PRKG1: variants seen among roughly 807,000 people sequenced by gnomAD.
PRKG1 encodes protein kinase cGMP-dependent 1, also known as cGMP-dependent protein kinase 1.
PRKG1 carries 35 observed loss-of-function variants against 88.1 expected under a neutral mutation model. That is an observed-to-expected ratio of 0.40 (90% CI 0.30 to 0.53). The LOEUF is 0.53. Among genes scored for constraint, PRKG1 ranks in the 20% least tolerant of loss-of-function variants. The pLI, the probability that PRKG1 is intolerant of heterozygous loss-of-function variation, is 0.59. For missense variants in PRKG1, 540 were observed against 839.8 expected, an observed-to-expected ratio of 0.64 and a Z score of 4.41; for synonymous variants, 303 against 292.5, an observed-to-expected ratio of 1.04 and a Z score of -0.37.
intron 5 of PRKG1, among the ~76,000 whole-genome samples, chr10:51,952,532 G>T (rs541405415): frequency 6.6e-6 from 1 of 152,106 alleles, no homozygotes; most frequent in Non-Finnish European, 1.5e-5. Flanking sequence ...ATTTAATAAG[G>T]TAATATATTT....
chr10:51,329,296 C>T (rs777485433), intron 2 of PRKG1, among the ~76,000 whole-genome samples: 6 of 152,032 alleles, frequency 3.9e-5, no homozygotes, highest in Admixed American at 2.0e-4. Flanking sequence ...TATTCAGTTT[C>T]CCCTGCACCA....
At chr10:52,269,729 C>T (rs565008263) in intron 10 of PRKG1, among the ~76,000 whole-genome samples, 1 of 152,200 alleles carries the variant, frequency 6.6e-6, no homozygotes, top group East Asian at 1.9e-4. Flanking sequence ...CTTGAGGATT[C>T]TGCTGCTTGA....
intron 9 of PRKG1, among the ~76,000 whole-genome samples, chr10:52,167,241 A>G (rs1838505698): frequency 6.6e-6 from 1 of 152,026 alleles, no homozygotes; most frequent in African/African-American, 2.4e-5. Context: ...AGAGAAAGGG[A>G]TCAAGGGAGA....
chr10:51,738,594 G>A (rs1220942809), intron 3 of PRKG1, among the ~76,000 whole-genome samples: 1 of 152,162 alleles, frequency 6.6e-6, no homozygotes, highest in Non-Finnish European at 1.5e-5. Context: ...GAGGTAGATA[G>A]GTTATGAGAG....
chr10:52,120,067 A>G (rs1418263077), intron 7 of PRKG1, among the ~76,000 whole-genome samples: 1 of 151,618 alleles, frequency 6.6e-6, no homozygotes, highest in Admixed American at 6.6e-5. Context: ...GAGAGAGAGA[A>G]AGAGGGAGAG....
rs540839439 is a variant in PRKG1 at position 51,497,640 on chromosome 10, G to A, written c.592+29804G>A. 9.1e-4 allele frequency among the ~76,000 whole-genome samples: 139 copies of A among 152,296 alleles called. 1 individual carries two copies. In the Middle Eastern group the frequency reaches 0.014, roughly 15 times the overall value. On this transcript the variant is annotated intron_variant, in intron 3 of 17. Transcript: ENST00000373980. ...TGTCTGTGTTGATATTTCTGACAAA[G>A]AGCAAATAGGAGCAAGGTGTGCAAA...
chr10:51,698,348 T>A, intron 3 of PRKG1: 1 of 1,614,138 alleles, frequency 6.2e-7, no homozygotes, highest in Non-Finnish European at 8.5e-7. Flanking sequence ...ACCCCTTTGA[T>A]CTATCATGGG....
chr10:51,061,899 A>G (rs532636205), intron 1 of PRKG1, among the ~76,000 whole-genome samples: 1 of 152,300 alleles, frequency 6.6e-6, no homozygotes, highest in South Asian at 2.1e-4. Flanking sequence ...TTTAAAGCCC[A>G]TTTCTGATAA....
At chr10:51,185,171 A>G (rs904940454) in intron 2 of PRKG1, among the ~76,000 whole-genome samples, 1 of 152,200 alleles carries the variant, frequency 6.6e-6, no homozygotes, top group Admixed American at 6.6e-5. Flanking sequence ...TGAAAAAGTT[A>G]CTTAACCTCT....
At chr10:52,072,110 G>A (rs1846510879) in intron 7 of PRKG1, among the ~76,000 whole-genome samples, 1 of 148,534 alleles carries the variant, frequency 6.7e-6, no homozygotes, top group Non-Finnish European at 1.5e-5. Context: ...TCCAGCCTTG[G>A]GACCCTTCTC....
At chr10:52,218,847 T>C (rs970320496) in intron 9 of PRKG1, among the ~76,000 whole-genome samples, 9 of 152,176 alleles carry the variant, frequency 5.9e-5, no homozygotes, top group Non-Finnish European at 8.8e-5. Context: ...CTTATCTTCA[T>C]TAATTAATAT....
rs1019495076 is a variant in PRKG1, at chr10:51,565,224, A to G, written c.592+97388A>G. Among the ~76,000 whole-genome samples the G allele has an allele frequency of 5.3e-5, 8 of 152,010 alleles. 1 individual carries two copies. The East Asian group carries it at 1.5e-3, about 29-fold the overall frequency. ...ACAAATCAAAAACCCTAAAACCCTA[A>G]AGGATTCACTCTCCAAAAGCCTTTC... is the stretch of plus-strand genomic sequence containing the variant. On this transcript the variant is annotated intron_variant, in intron 3 of 17. Coordinates refer to ENST00000373980, the MANE Select transcript of PRKG1 (RefSeq NM_006258.4).
chr10:51,883,581 G>T (rs1272344308), intron 4 of PRKG1, among the ~76,000 whole-genome samples: 1 of 152,112 alleles, frequency 6.6e-6, no homozygotes, highest in Non-Finnish European at 1.5e-5. Context: ...TAAATTGCTG[G>T]GGCTGTGTCT....
chr10:52,139,859 G>A (rs1837528896), intron 8 of PRKG1, among the ~76,000 whole-genome samples: 1 of 152,006 alleles, frequency 6.6e-6, no homozygotes. Context: ...ACAAGGGGTT[G>A]GCAAACTTTT....
At chr10:51,220,297 G>A (rs1838493598) in intron 2 of PRKG1, among the ~76,000 whole-genome samples, 1 of 152,148 alleles carries the variant, frequency 6.6e-6, no homozygotes, top group Admixed American at 6.5e-5. Context: ...CTTCAGATAA[G>A]AACCCAGCCA....
intron 2 of PRKG1, among the ~76,000 whole-genome samples, chr10:51,224,279 A>G (rs1838629728): frequency 6.6e-6 from 1 of 152,166 alleles, no homozygotes; most frequent in Non-Finnish European, 1.5e-5. Context: ...TAGAATCACT[A>G]AGGAGTCAGA....
chr10:51,428,417 A>T (rs964677594), intron 2 of PRKG1, among the ~76,000 whole-genome samples: 2 of 152,210 alleles, frequency 1.3e-5, no homozygotes, highest in Non-Finnish European at 2.9e-5. Context: ...GAAGCCATGA[A>T]AAAGAAGTAT....
intron 2 of PRKG1, among the ~76,000 whole-genome samples, chr10:51,286,302 G>A (rs926293353): frequency 1.3e-5 from 2 of 152,142 alleles, no homozygotes; most frequent in Admixed American, 1.3e-4. Context: ...ATCCTTTCAT[G>A]TTTACAATAA....
chr10:51,777,293 G>C (rs1174634629), intron 3 of PRKG1, among the ~76,000 whole-genome samples: 1 of 151,978 alleles, frequency 6.6e-6, no homozygotes, highest in Non-Finnish European at 1.5e-5. Context: ...TTGACATTCA[G>C]ATTGGTTATA....
Sources: allele counts gnomAD v4.1 joint callset (sites outside exome capture counted in the v4.1 genomes callset), GRCh38; gene constraint gnomAD v4.1.1; transcripts MANE v1.5; gene names NCBI Gene and HGNC (gene_info 2026-07-23, HGNC 2026-07-21).